The following DDAH1 variants were observed in gnomAD, a reference collection of about 807,000 sequenced individuals.
The protein encoded by DDAH1 is dimethylarginine dimethylaminohydrolase 1.
In DDAH1, 19 loss-of-function variants were observed where a neutral mutation model predicts 28.8. The ratio of observed to expected loss-of-function variants is 0.66; its 90% CI spans 0.46 to 0.97. The LOEUF is 0.97. Among genes scored for constraint, DDAH1 ranks in the 50% least tolerant of loss-of-function variants. The probability of loss-of-function intolerance (pLI) is 0.00; values close to 1 mark genes in which losing one functional copy is unlikely to be tolerated. For synonymous variants in DDAH1, 153 were observed against 154.4 expected (o/e 0.99, Z 0.07); for missense variants, 326 against 375.9 (o/e 0.87, Z 1.10).
intron 1 of DDAH1, among the ~76,000 whole-genome samples, chr1:85,460,743 C>A (rs1655089544): frequency 6.6e-6 from 1 of 152,122 alleles, no homozygotes. Context: ...TAGTAGTTGC[C>A]TCTAAGGAGG....
intron 1 of DDAH1, among the ~76,000 whole-genome samples, chr1:85,360,143 C>T (rs945257068): frequency 6.6e-6 from 1 of 152,168 alleles, no homozygotes; most frequent in African/African-American, 2.4e-5. Context: ...AGCAGAGTTA[C>T]TTCTAAAGTA....
intron 2 of DDAH1, among the ~76,000 whole-genome samples, chr1:85,470,642 T>C (rs960827969): frequency 6.6e-6 from 1 of 152,250 alleles, no homozygotes; most frequent in Non-Finnish European, 1.5e-5. Flanking sequence ...AATTATTACA[T>C]AAATGTTTAC....
intron 1 of DDAH1, among the ~76,000 whole-genome samples, chr1:85,360,701 AG>A (rs1649739205): frequency 6.6e-6 from 1 of 152,268 alleles, no homozygotes; most frequent in Non-Finnish European, 1.5e-5. Context: ...ATTTCAACTC[AG>A]GAACTGTATT....
intron 1 of DDAH1, among the ~76,000 whole-genome samples, chr1:85,506,006 A>C (rs1235595926): frequency 1.3e-5 from 2 of 152,224 alleles, no homozygotes; most frequent in African/African-American, 4.8e-5. Context: ...TGAGCAGCTC[A>C]GGGGAGACAA....
intron 1 of DDAH1, among the ~76,000 whole-genome samples, chr1:85,505,389 G>A (rs1236369935): frequency 6.6e-6 from 1 of 152,170 alleles, no homozygotes; most frequent in African/African-American, 2.4e-5. Context: ...CAAGGCAGGT[G>A]ATAGCAGACA....
intron 1 of DDAH1, among the ~76,000 whole-genome samples, chr1:85,445,930 A>G (rs897083025): frequency 5.3e-5 from 8 of 152,202 alleles, no homozygotes; most frequent in African/African-American, 1.4e-4. Flanking sequence ...CAAATGAAGC[A>G]ATCCCAATAG....
rs937692131 is a variant in DDAH1 at position 85,484,845 on chromosome 1, G to C, written c.-7+11321C>G. 2.6e-5 allele frequency among the ~76,000 whole-genome samples: 4 copies of C among 152,128 alleles called. No homozygotes were observed. The South Asian group carries it at 6.2e-4, about 24-fold the overall frequency. On this transcript the variant is annotated intron_variant, in intron 2 of 6. Coordinates refer to the DDAH1 transcript ENST00000426972. ...CTGTATGCCTTTTCAGCCTCTTTCT[G>C]GAAACATACAGGCTGAAACATAGCT...
intron 1 of DDAH1, among the ~76,000 whole-genome samples, chr1:85,428,494 G>C (rs1301024117): frequency 6.6e-6 from 1 of 152,054 alleles, no homozygotes; most frequent in African/African-American, 2.4e-5. Context: ...CTCCCACCTG[G>C]TCCCTCCCAT....
At chr1:85,323,078 T>C (rs1661418704) in intron 5 of DDAH1, among the ~76,000 whole-genome samples, 1 of 152,240 alleles carries the variant, frequency 6.6e-6, no homozygotes, top group Non-Finnish European at 1.5e-5. Context: ...GGTTCACACT[T>C]TCAGCCATGG....
At chr1:85,481,540 T>TA (rs953663924) in intron 2 of DDAH1, among the ~76,000 whole-genome samples, 2 of 152,244 alleles carry the variant, frequency 1.3e-5, no homozygotes, top group Non-Finnish European at 2.9e-5. Flanking sequence ...CTTAATATTA[T>TA]ACCACCACCA....
chr1:85,385,084 G>A (rs1651186634), intron 1 of DDAH1, among the ~76,000 whole-genome samples: 1 of 152,202 alleles, frequency 6.6e-6, no homozygotes, highest in Admixed American at 6.5e-5. Context: ...AATTAACAGA[G>A]TCTCAGAAGT....
At chr1:85,529,744 G>A (rs1348611733) in intron 1 of DDAH1, among the ~76,000 whole-genome samples, 9 of 147,420 alleles carry the variant, frequency 6.1e-5, no homozygotes, top group Non-Finnish European at 1.3e-4. Flanking sequence ...TCGATGTTGC[G>A]TCCCTACCCT....
chr1:85,534,382 A>T (rs1658196659), intron 1 of DDAH1, among the ~76,000 whole-genome samples: 2 of 152,198 alleles, frequency 1.3e-5, no homozygotes, highest in South Asian at 4.1e-4. Context: ...TATTTAACAC[A>T]TCCCTTATTT....
At chr1:85,441,181 A>T (rs1309610199) in intron 1 of DDAH1, among the ~76,000 whole-genome samples, 1 of 152,224 alleles carries the variant, frequency 6.6e-6, no homozygotes, top group African/African-American at 2.4e-5. Context: ...CACTTCTCTG[A>T]GCTCAAAGTC....
At chr1:85,359,890 A>G (rs961541562) in intron 1 of DDAH1, among the ~76,000 whole-genome samples, 4 of 152,252 alleles carry the variant, frequency 2.6e-5, no homozygotes, top group Admixed American at 1.3e-4. Context: ...AATGTGAAGC[A>G]TAACAAATTG....
At chr1:85,488,075 C>A (rs912323927) in intron 2 of DDAH1, among the ~76,000 whole-genome samples, 3 of 152,076 alleles carry the variant, frequency 2.0e-5, no homozygotes, top group Non-Finnish European at 4.4e-5. Flanking sequence ...ATCCCAGCTA[C>A]TCAGGAGGCT....
chr1:85,575,329 C>G (rs992926576), intron 1 of DDAH1, among the ~76,000 whole-genome samples: 1 of 152,208 alleles, frequency 6.6e-6, no homozygotes, highest in East Asian at 1.9e-4. Context: ...GTAAGTGATG[C>G]TGAAACCTTT....
Position 85,547,988 on chromosome 1 carries a change from T to C in DDAH1, c.-123+29996A>G, listed in dbSNP as rs147719941. Among the ~76,000 whole-genome samples, 21 of 152,342 alleles carry C rather than the reference T, an allele frequency of 1.4e-4. 1 individual carries two copies. Among genetic ancestry groups the C allele is most frequent in the African/African-American group, 5.0e-4 (21 of 41,586 alleles). ...TGACACAGGCCATTCGTTCTTAACC[T>C]ATAGTCTGTAAACCCCAAATATAGC... On this transcript the variant is annotated intron_variant, in intron 1 of 6. Coordinates refer to the DDAH1 transcript ENST00000426972.
intron 1 of DDAH1, among the ~76,000 whole-genome samples, chr1:85,506,639 C>T (rs2100745653): frequency 6.6e-6 from 1 of 152,290 alleles, no homozygotes; most frequent in Admixed American, 6.5e-5. Context: ...AGAGCTTAGG[C>T]TATGAGGCAG....
Sources: gnomAD v4.1 joint callset for allele counts (sites outside exome capture counted in the v4.1 genomes callset) on GRCh38, gnomAD v4.1.1 for gene constraint, MANE v1.5 for transcripts, NCBI Gene and HGNC (gene_info 2026-07-23, HGNC 2026-07-21) for gene names.